Variants in RGS7 observed in about 807,000 individuals in gnomAD.
The protein encoded by RGS7 is regulator of G protein signaling 7, also known as regulator of G-protein signaling 7.
RGS7 carries 27 observed loss-of-function variants against 81.1 expected under a neutral mutation model. The ratio of observed to expected loss-of-function variants is 0.33; its 90% CI spans 0.25 to 0.46. The LOEUF is 0.46. Ranked by LOEUF, RGS7 falls within the 20% of genes least tolerant of loss-of-function variation. RGS7 has a pLI of 1.00. For synonymous variants in RGS7, 208 were observed against 207.7 expected, an observed-to-expected ratio of 1.00 and a Z score of -0.01; for missense variants, 396 against 607.4, an observed-to-expected ratio of 0.65 and a Z score of 3.66.
intron 6 of RGS7, among the ~76,000 whole-genome samples, chr1:240,911,163 C>T (rs1020898216): frequency 2.0e-5 from 3 of 152,118 alleles, no homozygotes; most frequent in Non-Finnish European, 4.4e-5. Context: ...ATCCAACTCC[C>T]TTCCATATTG....
intron 3 of RGS7, among the ~76,000 whole-genome samples, chr1:241,070,284 C>A (rs933779031): frequency 2.0e-5 from 3 of 147,762 alleles, no homozygotes; most frequent in African/African-American, 7.5e-5. Flanking sequence ...GGCTGGTAAC[C>A]CAAATAACTT....
At chr1:240,994,315 G>C (rs1351486622) in intron 3 of RGS7, among the ~76,000 whole-genome samples, 1 of 152,122 alleles carries the variant, frequency 6.6e-6, no homozygotes, top group Non-Finnish European at 1.5e-5. Context: ...TTTGAAGTAT[G>C]TCTCTCCATT....
chr1:241,011,195 G>T (rs1205956439), intron 3 of RGS7, among the ~76,000 whole-genome samples: 1 of 152,172 alleles, frequency 6.6e-6, no homozygotes, highest in Non-Finnish European at 1.5e-5. Context: ...AAAAGTTCTT[G>T]TGGTTGCAAT....
chr1:240,860,190 C>G (rs1000353195), intron 9 of RGS7, among the ~76,000 whole-genome samples: 4 of 152,134 alleles, frequency 2.6e-5, no homozygotes, highest in African/African-American at 9.7e-5. Flanking sequence ...ATTAAGTATT[C>G]TATAGATGTC....
intron 2 of RGS7, among the ~76,000 whole-genome samples, chr1:241,239,196 G>A (rs780703284): frequency 1.7e-4 from 26 of 151,846 alleles, no homozygotes; most frequent in Non-Finnish European, 3.4e-4. Flanking sequence ...CTCGATCTCC[G>A]GACCTCGTGA....
chr1:240,800,686 GTTT>G lies in RGS7; in HGVS notation c.1446_1448del (p.Lys482del), dbSNP rs1687882773. The G allele has an allele frequency of 3.9e-6, 6 of 1,547,548 alleles. No individual in the cohort carries two copies. Among genetic ancestry groups the G allele is most frequent in the Non-Finnish European group, 5.2e-6 (6 of 1,144,780 alleles). On this transcript the variant is annotated inframe_deletion, in exon 18 of 19. Coordinates refer to ENST00000440928, the MANE Select transcript of RGS7 (RefSeq NM_001364886.1). ...TGCTGGCCCTCAGTGTTGGTGTACA[GTTT>G]TTATGGCATGGGAAAATAGGGATGT...
At chr1:241,214,719 T>C (rs2074448663) in intron 2 of RGS7, among the ~76,000 whole-genome samples, 1 of 152,160 alleles carries the variant, frequency 6.6e-6, no homozygotes. Flanking sequence ...TGTGACTCAT[T>C]TTAGGTAATT....
At position 241,252,801 on chromosome 1, in the gene RGS7, G is replaced by A. The variant is rs182275849; in HGVS notation, c.78+102898C>T. ...CTCCTCTAGGCAGAAGTAGTGTGGT[G>A]CATTTTTAAGGAAGGGGAGGTTGCT... On this transcript the variant is annotated intron_variant, in intron 2 of 18. Coordinates refer to ENST00000440928, the MANE Select transcript of RGS7 (RefSeq NM_001364886.1). Among the ~76,000 whole-genome samples, 17 of 152,296 alleles carry A rather than the reference G, an allele frequency of 1.1e-4. 1 individual carries two copies. The highest frequency in any genetic ancestry group is 3.4e-4 in the African/African-American group (14 of 41,552).
rs957930744 is a variant in RGS7 at position 241,144,687 on chromosome 1, G to A, written c.79-45925C>T. 1.3e-5 allele frequency among the ~76,000 whole-genome samples: 2 copies of A among 152,102 alleles called. No individual in the cohort carries two copies. Among genetic ancestry groups the A allele is most frequent in the African/African-American group, 2.4e-5 (1 of 41,400 alleles). On this transcript the variant is annotated intron_variant, in intron 2 of 18. Transcript: ENST00000440928. This position sits in a 1 kb window ranked among gnomAD's most constrained non-coding sequence, Gnocchi z 4.7. ...GATAGCATGGAGGGATGCTAAACTT[G>A]GTATTTGAAATCTGTTTTTCCTCAC...
At chr1:240,793,346 GA>G (rs1236016657) in intron 18 of RGS7, among the ~76,000 whole-genome samples, 1 of 151,940 alleles carries the variant, frequency 6.6e-6, no homozygotes, top group African/African-American at 2.4e-5. Context: ...ATGCTGCAGG[GA>G]AACTAAAATT....
chr1:240,801,334 A>G, intron 17 of RGS7, 121 bp downstream of exon 17: 1 of 707,270 alleles, frequency 1.4e-6, no homozygotes, highest in Non-Finnish European at 2.5e-6. Context: ...GAATTTGAAT[A>G]AAAGAAACAC....
chr1:241,160,351 A>T (rs2069545592), intron 2 of RGS7, among the ~76,000 whole-genome samples: 1 of 152,172 alleles, frequency 6.6e-6, no homozygotes, highest in Non-Finnish European at 1.5e-5. Flanking sequence ...TCAGATGTTG[A>T]ATAATAGACA....
intron 2 of RGS7, among the ~76,000 whole-genome samples, chr1:241,223,125 A>G (rs1442891142): frequency 1.3e-5 from 2 of 152,150 alleles, no homozygotes; most frequent in Non-Finnish European, 2.9e-5. Context: ...CCTGCTATAG[A>G]TCGAGAACCA....
intron 2 of RGS7, among the ~76,000 whole-genome samples, chr1:241,337,734 A>G (rs1314439843): frequency 6.6e-6 from 1 of 152,156 alleles, no homozygotes; most frequent in East Asian, 1.9e-4. Context: ...CCACCTGCAA[A>G]TTCTGGTGCC....
At chr1:241,200,358 G>T (rs1180206196) in intron 2 of RGS7, among the ~76,000 whole-genome samples, 3 of 151,848 alleles carry the variant, frequency 2.0e-5, no homozygotes, top group Non-Finnish European at 4.4e-5. Context: ...TATCTTAAAG[G>T]TACTGCTCAA....
intron 3 of RGS7, among the ~76,000 whole-genome samples, chr1:241,041,819 A>C (rs190934991): frequency 5.9e-5 from 9 of 151,962 alleles, no homozygotes; most frequent in Non-Finnish European, 1.2e-4. Context: ...GAACTAACTC[A>C]GTACTACCTT....
At chr1:241,335,516 C>A (rs1179443555) in intron 2 of RGS7, among the ~76,000 whole-genome samples, 1 of 152,202 alleles carries the variant, frequency 6.6e-6, no homozygotes, top group African/African-American at 2.4e-5. Flanking sequence ...TGTATCAAAT[C>A]TGTTGTTAAA....
chr1:240,799,294 T>G (rs1687633396), intron 18 of RGS7, among the ~76,000 whole-genome samples: 1 of 140,770 alleles, frequency 7.1e-6, no homozygotes, highest in South Asian at 2.2e-4. Flanking sequence ...TGTTTGTGTG[T>G]GTGTGTGTGT....
intron 2 of RGS7, chr1:241,305,957 A>G (rs1335767066): frequency 6.3e-6 from 1 of 159,124 alleles, no homozygotes; most frequent in Non-Finnish European, 1.4e-5. Flanking sequence ...AAAGGTGTAG[A>G]AAGGGGAAGT....
Sources: allele counts gnomAD v4.1 joint callset (sites outside exome capture counted in the v4.1 genomes callset), GRCh38; gene constraint gnomAD v4.1.1; non-coding constraint Gnocchi (gnomAD v3.1); transcripts MANE v1.5; gene names NCBI Gene and HGNC (gene_info 2026-07-23, HGNC 2026-07-21).